Variants in CTNNA2 observed in about 807,000 individuals in gnomAD.
CTNNA2 encodes catenin alpha-2.
A neutral mutation model predicts 101.0 loss-of-function variants in CTNNA2; 42 were observed. That is an observed-to-expected ratio of 0.42 (90% CI 0.32 to 0.54). The LOEUF is 0.54. Ranked by LOEUF, CTNNA2 falls within the 20% of genes least tolerant of loss-of-function variation. The pLI, the probability that CTNNA2 is intolerant of heterozygous loss-of-function variation, is 0.14. For synonymous variants in CTNNA2, 450 were observed against 456.4 expected, an observed-to-expected ratio of 0.99 and a Z score of 0.18; for missense variants, 871 against 1,223.1, an observed-to-expected ratio of 0.71 and a Z score of 4.29.
At chr2:79,526,574 T>A (rs759000270) in intron 1 of CTNNA2, among the ~76,000 whole-genome samples, 1 of 150,796 alleles carries the variant, frequency 6.6e-6, no homozygotes, top group Non-Finnish European at 1.5e-5. Flanking sequence ...ATTTCAAAAC[T>A]AACCGCAAAA....
chr2:79,642,307 G>C (rs1352396786), intron 1 of CTNNA2, among the ~76,000 whole-genome samples: 2 of 152,120 alleles, frequency 1.3e-5, no homozygotes, highest in South Asian at 2.1e-4. Context: ...CTACACTTTA[G>C]CAATAGCGGA....
At position 79,284,471 on chromosome 2, in the gene CTNNA2, G is replaced by T. The variant is rs796433351; in HGVS notation, c.-405-28238G>T. Among the ~76,000 whole-genome samples the T allele has an allele frequency of 6.0e-5, 9 of 150,950 alleles. No individual in the cohort carries two copies. The East Asian group carries it at 9.8e-4, about 17-fold the overall frequency. ...TTTATTGAGAGTTTTTAGCATGAAG[G>T]GTTGTTGAATTTTGTCAAAGGCTTT... On this transcript the variant is annotated intron_variant, in intron 2 of 21. Coordinates refer to the CTNNA2 transcript ENST00000466387.
At chr2:80,538,244 A>G (rs1338749090) in intron 9 of CTNNA2, among the ~76,000 whole-genome samples, 1 of 152,084 alleles carries the variant, frequency 6.6e-6, no homozygotes, top group Non-Finnish European at 1.5e-5. Context: ...CAATTTGTCA[A>G]TTTTGGCTTT....
At chr2:79,225,105 C>T (rs575016202) in intron 2 of CTNNA2, among the ~76,000 whole-genome samples, 10 of 151,820 alleles carry the variant, frequency 6.6e-5, no homozygotes, top group East Asian at 1.9e-4. Flanking sequence ...GGTCTTTTTG[C>T]GGATATATAT....
chr2:80,168,066 C>T (rs1003890763), intron 7 of CTNNA2, among the ~76,000 whole-genome samples: 3 of 152,120 alleles, frequency 2.0e-5, no homozygotes, highest in African/African-American at 7.2e-5. Context: ...GGGGGAGAAG[C>T]AGGGAATGGC....
At chr2:80,636,974 C>A (rs918833356) in intron 18 of CTNNA2, among the ~76,000 whole-genome samples, 1 of 152,146 alleles carries the variant, frequency 6.6e-6, no homozygotes, top group African/African-American at 2.4e-5. Flanking sequence ...CTATTCCCCT[C>A]ATGAACTTCT....
intron 7 of CTNNA2, among the ~76,000 whole-genome samples, chr2:80,266,809 C>T (rs1422618814): frequency 2.0e-5 from 3 of 152,152 alleles, no homozygotes; most frequent in Non-Finnish European, 4.4e-5. Flanking sequence ...TGCCCAGGTC[C>T]TTACACATGC....
At chr2:80,327,812 A>C (rs1670951339) in intron 7 of CTNNA2, among the ~76,000 whole-genome samples, 1 of 152,204 alleles carries the variant, frequency 6.6e-6, no homozygotes, top group Admixed American at 6.5e-5. Context: ...CCCTGCTTTG[A>C]CTTTAGATAT....
intron 17 of CTNNA2, among the ~76,000 whole-genome samples, chr2:80,614,957 T>C (rs1180552113): frequency 6.7e-6 from 1 of 150,006 alleles, no homozygotes; most frequent in African/African-American, 2.5e-5. Context: ...TATTTAGAAT[T>C]GGTTACTTAA....
chr2:79,477,298 G>T (rs1671060820), intron 4 of CTNNA2, among the ~76,000 whole-genome samples: 1 of 151,372 alleles, frequency 6.6e-6, no homozygotes, highest in Admixed American at 6.6e-5. Context: ...AGCCTCCCAA[G>T]CAGCTGGGTT....
chr2:80,048,889 C>G (rs1696694698), intron 7 of CTNNA2, among the ~76,000 whole-genome samples: 2 of 152,114 alleles, frequency 1.3e-5, no homozygotes, highest in Non-Finnish European at 2.9e-5. Flanking sequence ...TGTGAAGGAA[C>G]AGGTGTGATC....
In CTNNA2 at chr2:80,209,980, G is replaced by A. The variant is rs1466605571; in HGVS notation, c.1057-183231G>A. Among the ~76,000 whole-genome samples, 7 of 152,180 alleles carry A rather than the reference G, an allele frequency of 4.6e-5. No individual in the cohort carries two copies. In the South Asian group the frequency reaches 1.0e-3, roughly 23 times the overall value. On this transcript the variant is annotated intron_variant, in intron 7 of 18. Coordinates refer to ENST00000402739, the MANE Select transcript of CTNNA2 (RefSeq NM_001282597.3). The stretch of plus-strand genomic sequence containing the variant: ...AATCCTATTTCCTAAGATAACTGCT[G>A]TTAGCTTGGTGTGGTTTATGGAAGA...
chr2:80,456,041 C>T (rs1387094510), intron 9 of CTNNA2, among the ~76,000 whole-genome samples: 1 of 152,126 alleles, frequency 6.6e-6, no homozygotes, highest in Non-Finnish European at 1.5e-5. Context: ...AGTTACTTTC[C>T]TTATTTGTAC....
chr2:79,488,257 G>A (rs1671176026), intron 4 of CTNNA2, among the ~76,000 whole-genome samples: 1 of 147,198 alleles, frequency 6.8e-6, no homozygotes, highest in Admixed American at 7.0e-5. Context: ...GGCAGTGTTT[G>A]TGGTGAGCTG....
chr2:79,672,814 A>G (rs1367191207), intron 2 of CTNNA2, among the ~76,000 whole-genome samples: 1 of 150,328 alleles, frequency 6.7e-6, no homozygotes, highest in Non-Finnish European at 1.5e-5. Flanking sequence ...GGTTCAAGTG[A>G]TTTGCCTGCC....
chr2:80,644,260 T>C (rs2149864401), intron 18 of CTNNA2, among the ~76,000 whole-genome samples: 1 of 152,254 alleles, frequency 6.6e-6, no homozygotes, highest in East Asian at 1.9e-4. Flanking sequence ...TCGAGAATTT[T>C]TGAAAATTAA....
chr2:80,104,660 AT>A (rs918401141), intron 7 of CTNNA2, among the ~76,000 whole-genome samples: 2 of 152,208 alleles, frequency 1.3e-5, no homozygotes, highest in Non-Finnish European at 2.9e-5. Flanking sequence ...TTGTATTAAT[AT>A]TTTTTGAGAT....
At chr2:80,347,709 C>T (rs1947032) in intron 7 of CTNNA2, among the ~76,000 whole-genome samples, 40,548 of 151,684 alleles carry the variant, frequency 0.27, 5,839 homozygotes, top group East Asian at 0.51. Flanking sequence ...AGTGTAGTTC[C>T]GGAGCAGTAG....
At chr2:79,233,113 AT>A (rs534212684) in intron 2 of CTNNA2, among the ~76,000 whole-genome samples, 4 of 151,498 alleles carry the variant, frequency 2.6e-5, no homozygotes, top group South Asian at 2.1e-4. Flanking sequence ...GGAATGTTGT[AT>A]TTTTTTTCTT....
Sources: allele counts gnomAD v4.1 joint callset (sites outside exome capture counted in the v4.1 genomes callset), GRCh38; gene constraint gnomAD v4.1.1; transcripts MANE v1.5; gene names NCBI Gene and HGNC (gene_info 2026-07-23, HGNC 2026-07-21).